Variants in SMARCAL1 observed in about 807,000 individuals in gnomAD.
SMARCAL1 encodes the protein SNF2 related chromatin remodeling annealing helicase 1.
A neutral mutation model predicts 94.5 loss-of-function variants in SMARCAL1; 58 were observed. That is an observed-to-expected ratio of 0.61 (90% confidence interval 0.50 to 0.76). The LOEUF (loss-of-function observed/expected upper bound fraction) is 0.76, where lower values mean the gene tolerates loss of function less well. SMARCAL1 is among the 30% of genes least tolerant of loss of function. The pLI is 0.00. For synonymous variants in SMARCAL1, 422 were observed against 455.1 expected, an observed-to-expected ratio of 0.93 and a Z score of 0.93; for missense variants, 1,051 against 1,177.9, an observed-to-expected ratio of 0.89 and a Z score of 1.58.
At chr2:216,438,769 G>A (rs1234435603) in intron 10 of SMARCAL1, among the ~76,000 whole-genome samples, 1 of 152,098 alleles carries the variant, frequency 6.6e-6, no homozygotes, top group Admixed American at 6.5e-5. Flanking sequence ...GTGGGCATTG[G>A]ACTCCAGAAT....
Position 216,415,086 on chromosome 2 carries a change from C to G in SMARCAL1, c.382C>G (p.Gln128Glu), listed in dbSNP as rs762590281. The G allele has an allele frequency of 5.6e-6, 9 of 1,614,086 alleles. No homozygotes were observed. In the East Asian group the frequency reaches 2.0e-4, roughly 36 times the overall value. The change falls in exon 3 of 18, where the codon CAA (glutamine) becomes GAA (glutamate). Residue 128 changes from glutamine (Q) to glutamate (E), a missense_variant. By Grantham distance (29) the Gln-to-Glu change is conservative (BLOSUM62 2). This residue lies in a region of SMARCAL1 where 398 missense variants were observed against 395.2 expected (regional missense o/e 1.01). Transcript: ENST00000357276. ...ALTGISPPLA[Q>E]SPPEVPKQQL... The stretch of plus-strand genomic sequence containing the variant: ...CACTGGAATCTCTCCTCCCTTGGCA[C>G]AAAGTCCTCCAGAGGTCCCTAAACA...
rs1559125136 is a variant in SMARCAL1 at position 216,428,518 on chromosome 2, T to G, written c.1148-78T>G. On this transcript the variant is annotated intron_variant, in intron 6 of 17. Transcript: ENST00000357276. ...ACCAGCATCACTGGAAGGAAATATA[T>G]ATATCCCAAAGCTCCTCTTTCTCCA... The G allele has an allele frequency of 2.2e-6, 3 of 1,392,172 alleles. No individual in the cohort carries two copies. In the East Asian group the frequency reaches 6.8e-5, roughly 32 times the overall value. 86.2% of individuals were successfully genotyped at this position (1,392,172 alleles called of 1,614,324 possible).
intron 4 of SMARCAL1, among the ~76,000 whole-genome samples, chr2:216,419,803 G>C (rs969916595): frequency 2.6e-5 from 4 of 152,034 alleles, no homozygotes. Context: ...GCTAAGGTGC[G>C]TAGATGGTTT....
chr2:216,442,200 C>G (rs114860785), intron 10 of SMARCAL1, among the ~76,000 whole-genome samples: 1 of 151,828 alleles, frequency 6.6e-6, no homozygotes, highest in Non-Finnish European at 1.5e-5. Context: ...GAGGATCACC[C>G]GAGGTCAGGA....
chr2:216,438,558 C>G (rs1574460616), intron 10 of SMARCAL1, 73 bp downstream of exon 10: 1 of 1,316,888 alleles, frequency 7.6e-7, no homozygotes, highest in Non-Finnish European at 1.1e-6. Flanking sequence ...TGCATGTCGT[C>G]CTAGTCCAGC....
intron 13 of SMARCAL1, among the ~76,000 whole-genome samples, chr2:216,465,046 C>T (rs113220605): frequency 5.3e-4 from 81 of 152,256 alleles, no homozygotes; most frequent in African/African-American, 1.9e-3. Context: ...ACTCAGGAGG[C>T]TGAGGAGGGA....
Position 216,418,729 on chromosome 2 carries a change from G to A in SMARCAL1, c.863-1570G>A, listed in dbSNP as rs200259051. Among the ~76,000 whole-genome samples, 42 of 152,030 alleles carry A rather than the reference G, an allele frequency of 2.8e-4. No individual in the cohort carries two copies. In the East Asian group the frequency reaches 4.4e-3, roughly 16 times the overall value. Reference sequence around the variant, plus strand: ...ATTCCCTCCAGCCTTTTTTCTATGCGTTAAAATATAAAGTTTTATATATGC... The same window carrying A: ...ATTCCCTCCAGCCTTTTTTCTATGCATTAAAATATAAAGTTTTATATATGC... On this transcript the variant is annotated intron_variant, in intron 4 of 17. Transcript: ENST00000357276.
At chr2:216,461,841 A>C (rs1377433651) in intron 12 of SMARCAL1, among the ~76,000 whole-genome samples, 2 of 152,094 alleles carry the variant, frequency 1.3e-5, no homozygotes, top group Admixed American at 6.5e-5. Context: ...AAAAAAAAAA[A>C]AACAAACCAT....
chr2:216,470,775 C>T (rs1316383596), intron 14 of SMARCAL1, among the ~76,000 whole-genome samples: 8 of 147,818 alleles, frequency 5.4e-5, no homozygotes, highest in South Asian at 4.3e-4. Context: ...CATTAGCCAC[C>T]GCACCCAGCC....
At chr2:216,454,521 A>G (rs1483450577) in intron 12 of SMARCAL1, among the ~76,000 whole-genome samples, 2 of 152,154 alleles carry the variant, frequency 1.3e-5, no homozygotes, top group East Asian at 3.8e-4. Context: ...CAGTGTGACA[A>G]GTATACTCAT....
chr2:216,433,001 G>T (rs1321731559), intron 8 of SMARCAL1, 133 bp downstream of exon 8: 24 of 1,145,032 alleles, frequency 2.1e-5, no homozygotes, highest in Non-Finnish European at 2.9e-5. Context: ...GGCAGGAAGA[G>T]AGATGAGATG....
chr2:216,447,310 G>A (rs1356716162), intron 11 of SMARCAL1, 152 bp downstream of exon 11: 1 of 970,462 alleles, frequency 1.0e-6, no homozygotes, highest in Non-Finnish European at 1.6e-6. Flanking sequence ...TATGGCCTTG[G>A]AATGACCTCA....
At chr2:216,452,256 A>G (rs1003352511) in intron 12 of SMARCAL1, among the ~76,000 whole-genome samples, 1 of 152,234 alleles carries the variant, frequency 6.6e-6, no homozygotes, top group African/African-American at 2.4e-5. Flanking sequence ...CTTTGTCACT[A>G]AAATCAATCT....
At chr2:216,471,122 T>C (rs1296495883) in intron 14 of SMARCAL1, among the ~76,000 whole-genome samples, 1 of 151,870 alleles carries the variant, frequency 6.6e-6, no homozygotes, top group South Asian at 2.1e-4. Flanking sequence ...GCCTAAATAA[T>C]TGGGGGGTGG....
At chr2:216,429,523 C>G (rs769780960) in intron 7 of SMARCAL1, among the ~76,000 whole-genome samples, 4 of 152,186 alleles carry the variant, frequency 2.6e-5, no homozygotes, top group Non-Finnish European at 2.9e-5. Flanking sequence ...TTTGAACTAG[C>G]CTTCTCTTAA....
intron 12 of SMARCAL1, among the ~76,000 whole-genome samples, chr2:216,452,004 A>G (rs1694461002): frequency 6.6e-6 from 1 of 152,228 alleles, no homozygotes; most frequent in African/African-American, 2.4e-5. Flanking sequence ...TTATTTTACC[A>G]TGTGATGAGC....
chr2:216,421,178 G>T (rs891089334), intron 5 of SMARCAL1, among the ~76,000 whole-genome samples: 2 of 152,180 alleles, frequency 1.3e-5, no homozygotes, highest in Non-Finnish European at 2.9e-5. Context: ...TTTGTCGGAG[G>T]TGGGGCTTGG....
At chr2:216,432,051 C>T (rs1291273673) in intron 7 of SMARCAL1, among the ~76,000 whole-genome samples, 2 of 151,804 alleles carry the variant, frequency 1.3e-5, no homozygotes, top group South Asian at 2.1e-4. Flanking sequence ...GATGGAGTTT[C>T]GCTTTTGTTG....
chr2:216,416,650 A>G (rs1305628881), intron 4 of SMARCAL1, among the ~76,000 whole-genome samples: 1 of 152,250 alleles, frequency 6.6e-6, no homozygotes, highest in African/African-American at 2.4e-5. Context: ...CACATAGCCA[A>G]TAAGTTGTAC....
Sources: gnomAD v4.1 joint callset for allele counts (sites outside exome capture counted in the v4.1 genomes callset) on GRCh38, gnomAD v4.1.1 for gene constraint, gnomAD v4.1.1 regional missense constraint, MANE v1.5 for transcripts, NCBI Gene and HGNC (gene_info 2026-07-23, HGNC 2026-07-21) for gene names.